TCEA3: variants seen among roughly 807,000 people sequenced by gnomAD.
TCEA3 encodes the protein transcription elongation factor A3.
A neutral mutation model predicts 44.0 loss-of-function variants in TCEA3; 36 were observed. That is an observed-to-expected ratio of 0.82 (90% confidence interval 0.63 to 1.08). TCEA3 has a LOEUF of 1.08. TCEA3 is among the 50% of genes least tolerant of loss of function. The pLI, the probability that TCEA3 is intolerant of heterozygous loss-of-function variation, is 0.00. For synonymous variants in TCEA3, 162 were observed against 159.7 expected (o/e 1.01, Z -0.11); for missense variants, 392 against 441.2 (o/e 0.89, Z 1.00).
At chr1:23,404,786 C>G (rs910493396) in intron 5 of TCEA3, among the ~76,000 whole-genome samples, 1 of 151,690 alleles carries the variant, frequency 6.6e-6, no homozygotes, top group African/African-American at 2.4e-5. Flanking sequence ...AAGTGAGACT[C>G]TGTCTCTACA....
intron 5 of TCEA3, among the ~76,000 whole-genome samples, chr1:23,398,301 T>C (rs772679396): frequency 9.9e-5 from 15 of 152,246 alleles, no homozygotes; most frequent in Non-Finnish European, 2.1e-4. Flanking sequence ...CGTTACTCAT[T>C]ATAGAACAGT....
Position 23,424,681 on chromosome 1 carries a change from G to A in TCEA3, c.-48C>T, listed in dbSNP as rs762971702. On this transcript the variant is annotated 5_prime_UTR_variant, in exon 1 of 11. Transcript: ENST00000450454. ...GGCGAGGGGCACAGGGGCAGCAGTA[G>A]GGCCTCGGGGGCAGGAGGCGCGAAG... is the stretch of plus-strand genomic sequence containing the variant. 6.8e-7 allele frequency: 1 copy of A among 1,470,130 alleles called. No individual in the cohort carries two copies. Among genetic ancestry groups the A allele is most frequent in the Non-Finnish European group, 9.3e-7 (1 of 1,072,128 alleles). The allele number at this position is 1,470,130 out of a possible 1,614,324, so 91.1% of individuals were successfully genotyped here. A position where few individuals can be genotyped will look rare whatever the true frequency, so the allele number is the denominator to read the frequency against.
rs138210633 is a variant in TCEA3, at chr1:23,384,052, C to G, written c.1038+294G>C. On this transcript the variant is annotated intron_variant, in intron 10 of 10. Coordinates refer to ENST00000450454, the MANE Select transcript of TCEA3 (RefSeq NM_003196.3). ...TGTTTTTCCTCTCCTCTGTGGATCT[C>G]AGGAAGCCGATTCCATCTGTGCTCA... The G allele has an allele frequency of 1.3e-4, 165 of 1,252,582 alleles. No individual in the cohort carries two copies. In the Middle Eastern group the frequency reaches 2.5e-3, roughly 19 times the overall value. 77.6% of individuals were successfully genotyped at this position (1,252,582 alleles called of 1,614,324 possible). A position where few individuals can be genotyped will look rare whatever the true frequency, so the allele number is the denominator to read the frequency against.
intron 4 of TCEA3, among the ~76,000 whole-genome samples, chr1:23,415,082 G>A (rs1639850123): frequency 6.8e-6 from 1 of 147,192 alleles, no homozygotes; most frequent in Non-Finnish European, 1.5e-5. Flanking sequence ...TGAGTGCAGT[G>A]GCGGGATCTC....
chr1:23,402,579 A>T (rs925212863), intron 5 of TCEA3, among the ~76,000 whole-genome samples: 1 of 152,142 alleles, frequency 6.6e-6, no homozygotes. Context: ...CTCAGCTCGC[A>T]TGAGGGAGGC....
intron 7 of TCEA3, among the ~76,000 whole-genome samples, chr1:23,395,480 A>G (rs1056881039): frequency 6.6e-6 from 1 of 152,230 alleles, no homozygotes; most frequent in African/African-American, 2.4e-5. Context: ...CAGCTGGCTA[A>G]AAACAAAGAG....
chr1:23,416,290 G>C (rs995693069), intron 4 of TCEA3, among the ~76,000 whole-genome samples: 3 of 152,040 alleles, frequency 2.0e-5, no homozygotes, highest in African/African-American at 7.2e-5. Context: ...ACAGGGGTGA[G>C]ATACCGTACC....
At chr1:23,414,917 A>G (rs1438928930) in intron 4 of TCEA3, among the ~76,000 whole-genome samples, 2 of 151,998 alleles carry the variant, frequency 1.3e-5, no homozygotes, top group Non-Finnish European at 1.5e-5. Flanking sequence ...CATAAGTGAC[A>G]AGTTCAGCCC....
At chr1:23,421,500 A>C (rs1640065202) in intron 1 of TCEA3, among the ~76,000 whole-genome samples, 1 of 84,570 alleles carries the variant, frequency 1.2e-5, no homozygotes, top group African/African-American at 3.1e-5. Context: ...ACCAGTTCTC[A>C]AGGAAAAAAA....
intron 5 of TCEA3, among the ~76,000 whole-genome samples, chr1:23,400,991 T>C (rs2148563379): frequency 6.6e-6 from 1 of 152,336 alleles, no homozygotes; most frequent in South Asian, 2.1e-4. Context: ...ACAAAGTCTC[T>C]CAGGCCCAGG....
At chr1:23,395,929 G>A (rs1356597366) in intron 7 of TCEA3, among the ~76,000 whole-genome samples, 1 of 152,098 alleles carries the variant, frequency 6.6e-6, no homozygotes, top group African/African-American at 2.4e-5. Context: ...GCTTAAAGGT[G>A]GAAAGGACCT....
chr1:23,424,588 TC>T lies in TCEA3; in HGVS notation c.45del (p.Lys16ArgfsTer15), dbSNP rs1398050639. On this transcript the variant is annotated frameshift_variant, in exon 1 of 11. Transcript: ENST00000450454. LOFTEE classifies it high-confidence loss of function. ...EELLRIAKKL[E>X]KMVARKNTEG... is the part of the protein sequence containing the mutation. ...ACCGTGTTCTTCCTGGCCACCATCT[TC>T]TCCAGCTTTTTGGCGATCCTCAGCA... The T allele has an allele frequency of 1.9e-6, 3 of 1,608,228 alleles. No individual in the cohort carries two copies. In the East Asian group the frequency reaches 6.7e-5, roughly 36 times the overall value.
rs376069152 is a variant in TCEA3 at position 23,397,626 on chromosome 1, G to C, written c.608-25C>G. 26 of 1,612,178 alleles carry C rather than the reference G, an allele frequency of 1.6e-5. 1 individual carries two copies. Among genetic ancestry groups the C allele is most frequent in the South Asian group, 2.2e-5 (2 of 90,922 alleles). On this transcript the variant is annotated intron_variant, in intron 6 of 10. Coordinates refer to ENST00000450454, the MANE Select transcript of TCEA3 (RefSeq NM_003196.3). ...TCTAAAAGAGATTCGAGAAATACAG[G>C]TATCAGCCAGACACAACGTAGGCAG...
chr1:23,408,696 G>A lies in TCEA3; in HGVS notation c.411C>T (p.Ala137=). Residue 137 remains alanine, a synonymous_variant, in exon 5 of 11, where the codon GCC becomes GCT. Transcript: ENST00000450454. ...CCGATGGTCTTTTTGGAGAGGAGGAGGCAGAAGACTTGGAGTCCACAGAGT... is the reference window on the plus strand; with the variant it reads ...CCGATGGTCTTTTTGGAGAGGAGGAAGCAGAAGACTTGGAGTCCACAGAGT... ...RRDSVDSKSS[A]SSSPKRPSVE... is the part of the protein sequence containing the mutation. 1 of 1,611,712 alleles carries A rather than the reference G, an allele frequency of 6.2e-7. No individual in the cohort carries two copies. Among genetic ancestry groups the A allele is most frequent in the Non-Finnish European group, 8.5e-7 (1 of 1,179,056 alleles).
intron 10 of TCEA3, chr1:23,383,937 T>C: frequency 9.7e-7 from 1 of 1,032,400 alleles, no homozygotes. Context: ...GGGCTCAGCC[T>C]TCCTGTTTCC....
Position 23,408,717 on chromosome 1 carries a change from A to C in TCEA3, c.390T>G (p.Ser130=). 1 of 1,609,210 alleles carries C rather than the reference A, an allele frequency of 6.2e-7. No individual in the cohort carries two copies. Among genetic ancestry groups the C allele is most frequent in the Non-Finnish European group, 8.5e-7 (1 of 1,177,848 alleles). The change falls in exon 5 of 11, where the codon TCT becomes TCG. Residue 130 remains serine (S), a synonymous_variant. Coordinates refer to ENST00000450454, the MANE Select transcript of TCEA3 (RefSeq NM_003196.3). The stretch of plus-strand genomic sequence containing the variant: ...AGGAGGCAGAAGACTTGGAGTCCAC[A>C]GAGTCTCTCCTGAAAGAAGAAAATT... ...KREDPKTRRD[S]VDSKSSASSS...
At chr1:23,400,237 T>G (rs1639358313) in intron 5 of TCEA3, among the ~76,000 whole-genome samples, 2 of 152,058 alleles carry the variant, frequency 1.3e-5, no homozygotes, top group African/African-American at 4.8e-5. Flanking sequence ...TTACAGATGA[T>G]GGAATGGAGC....
chr1:23,398,967 C>T (rs1242668060), intron 5 of TCEA3, among the ~76,000 whole-genome samples: 4 of 151,164 alleles, frequency 2.6e-5, no homozygotes, highest in Non-Finnish European at 5.9e-5. Flanking sequence ...GGGATCTCAC[C>T]ATGTTTCCCA....
At chr1:23,397,677 G>C (rs1037494588) in intron 6 of TCEA3, 76 bp from the exon 7 acceptor site, 2 of 1,604,130 alleles carry the variant, frequency 1.2e-6, no homozygotes, top group African/African-American at 1.3e-5. Context: ...CCTGGGACTA[G>C]AGTGTTCCTG....
Sources: allele counts gnomAD v4.1 joint callset (sites outside exome capture counted in the v4.1 genomes callset), GRCh38; gene constraint gnomAD v4.1.1; transcripts MANE v1.5; gene names NCBI Gene and HGNC (gene_info 2026-07-23, HGNC 2026-07-21).